The following WDR27 variants were observed in gnomAD, a reference collection of about 807,000 sequenced individuals.
The protein encoded by WDR27 is WD repeat domain 27.
A neutral mutation model predicts 114.4 loss-of-function variants in WDR27; 100 were observed. The observed-to-expected ratio is 0.87, with a 90% CI of 0.74 to 1.03. The LOEUF is 1.03. Ranked by LOEUF, WDR27 falls within the 50% of genes least tolerant of loss-of-function variation. WDR27 has a pLI of 0.00. For synonymous variants in WDR27, 449 were observed against 423.1 expected, an observed-to-expected ratio of 1.06 and a Z score of -0.75; for missense variants, 1,129 against 1,092.9, an observed-to-expected ratio of 1.03 and a Z score of -0.47.
intron 13 of WDR27, among the ~76,000 whole-genome samples, chr6:169,656,406 A>T (rs968232593): frequency 6.6e-6 from 1 of 151,998 alleles, no homozygotes; most frequent in Admixed American, 6.6e-5. Flanking sequence ...TTCCCTGGGG[A>T]CCTGCCTGTG....
At chr6:169,624,317 C>T (rs561566291) in intron 21 of WDR27, among the ~76,000 whole-genome samples, 1 of 152,192 alleles carries the variant, frequency 6.6e-6, no homozygotes, top group Non-Finnish European at 1.5e-5. Context: ...AGGTGTGCGG[C>T]GTGTGGCATC....
chr6:169,434,223 T>C, the WDR27 span, among the ~76,000 whole-genome samples: 1 of 152,304 alleles, frequency 6.6e-6, no homozygotes, highest in East Asian at 1.9e-4. Context: ...TGGTTTTAGG[T>C]TTTACATTTA....
intron 24 of WDR27, 119 bp downstream of exon 24, chr6:169,582,717 C>G: frequency 1.5e-6 from 1 of 685,636 alleles, no homozygotes; most frequent in Admixed American, 2.8e-5. Flanking sequence ...ACTCAGTGAA[C>G]ACTGGCATGT....
Position 169,664,250 on chromosome 6 carries a change from G to A in WDR27, c.820C>T (p.Arg274Cys), listed in dbSNP as rs200494024. 354 of 1,613,924 alleles carry A rather than the reference G, an allele frequency of 2.2e-4. 2 individuals carry two copies. Among genetic ancestry groups the A allele is most frequent in the Middle Eastern group, 1.5e-3 (9 of 6,060 alleles). ...IFSLMDGHHY[R>C]RVARVDLRKK... ...CTTAGGTCAACCCGTGCCACACGAC[G>A]ATAATGGTGTCCATCCATCAAACTG... Residue 274 changes from arginine (R) to cysteine (C), a missense_variant, in exon 8 of 26, where the codon CGT (arginine) becomes TGT (cysteine). Physicochemically the swap from Arg to Cys is radical, Grantham distance 180. Transcript: ENST00000448612.
At chr6:169,570,794 A>G (rs1042053575) in intron 25 of WDR27, among the ~76,000 whole-genome samples, 1 of 152,092 alleles carries the variant, frequency 6.6e-6, no homozygotes, top group Non-Finnish European at 1.5e-5. Context: ...GTGCCATTGC[A>G]CTCCAGCCTG....
At position 169,536,581 on chromosome 6, in the gene WDR27, C is replaced by A. The variant is rs146520899; in HGVS notation, c.2645+35838G>T. The stretch of plus-strand genomic sequence containing the variant: ...AAAGAAAACCATGGCTCTGCCAACC[C>A]TTGCACAAATGTGTGATCATGCTCA... On this transcript the variant is annotated intron_variant, in intron 25 of 25. Transcript: ENST00000448612. Among the ~76,000 whole-genome samples, 291 of 152,304 alleles carry A rather than the reference C, an allele frequency of 1.9e-3. 1 individual carries two copies. Among genetic ancestry groups the A allele is most frequent in the African/African-American group, 6.7e-3 (280 of 41,562 alleles).
intron 22 of WDR27, among the ~76,000 whole-genome samples, chr6:169,608,999 T>G (rs1014818321): frequency 6.6e-6 from 1 of 152,220 alleles, no homozygotes; most frequent in African/African-American, 2.4e-5. Context: ...TGAAATCCAG[T>G]GCGGCAGTCA....
intron 25 of WDR27, among the ~76,000 whole-genome samples, chr6:169,542,199 T>C (rs1796922442): frequency 6.6e-6 from 1 of 152,158 alleles, no homozygotes; most frequent in Non-Finnish European, 1.5e-5. Flanking sequence ...ATAAATAGGA[T>C]ATTTATATCA....
chr6:169,560,949 A>C (rs928588973), intron 25 of WDR27, among the ~76,000 whole-genome samples: 11 of 152,148 alleles, frequency 7.2e-5, no homozygotes, highest in Non-Finnish European at 1.5e-4. Flanking sequence ...ATAGACAAAT[A>C]TATAGAATTT....
intron 25 of WDR27, among the ~76,000 whole-genome samples, chr6:169,555,082 T>C (rs1430017612): frequency 6.6e-6 from 1 of 152,104 alleles, no homozygotes; most frequent in Non-Finnish European, 1.5e-5. Flanking sequence ...CTAACAAGAA[T>C]AAAAATGAAA....
chr6:169,690,809 T>G (rs961742063), intron 1 of WDR27, among the ~76,000 whole-genome samples: 1 of 152,174 alleles, frequency 6.6e-6, no homozygotes, highest in Admixed American at 6.5e-5. Flanking sequence ...CAGTACCACC[T>G]CTGTGCTGCG....
chr6:169,429,334 A>G, the WDR27 span, among the ~76,000 whole-genome samples: 1 of 152,024 alleles, frequency 6.6e-6, no homozygotes, highest in African/African-American at 2.4e-5. Context: ...CCCCGTGCCA[A>G]GGAGCCCACC....
At chr6:169,432,721 A>G in the WDR27 span, among the ~76,000 whole-genome samples, 18 of 152,166 alleles carry the variant, frequency 1.2e-4, no homozygotes, top group Non-Finnish European at 2.2e-4. Flanking sequence ...CTTTATCATC[A>G]GTGTGAAAAT....
At chr6:169,563,544 G>A (rs1006384444) in intron 25 of WDR27, among the ~76,000 whole-genome samples, 5 of 152,160 alleles carry the variant, frequency 3.3e-5, no homozygotes, top group Admixed American at 3.3e-4. Context: ...AGCTGTATTC[G>A]AGAGCAGAGG....
chr6:169,523,774 T>C lies in WDR27; in HGVS notation c.2645+48645A>G, dbSNP rs975800848. On this transcript the variant is annotated intron_variant, in intron 25 of 25. Coordinates refer to ENST00000448612, the MANE Select transcript of WDR27 (RefSeq NM_182552.5). ...TTAAAAAAACCCTCAACAAACTAGGTATAGAAGGAACATACGTCAAAATAA... is the reference window on the plus strand; with the variant it reads ...TTAAAAAAACCCTCAACAAACTAGGCATAGAAGGAACATACGTCAAAATAA... 7.2e-5 allele frequency among the ~76,000 whole-genome samples: 11 copies of C among 151,938 alleles called. No individual in the cohort carries two copies. In the East Asian group the frequency reaches 2.1e-3, roughly 29 times the overall value.
chr6:169,682,369 T>A (rs1427917825), intron 2 of WDR27, among the ~76,000 whole-genome samples: 1 of 152,228 alleles, frequency 6.6e-6, no homozygotes, highest in African/African-American at 2.4e-5. Flanking sequence ...TAGGACAGCA[T>A]TCTGGACTCA....
chr6:169,439,311 G>A, the WDR27 span, among the ~76,000 whole-genome samples: 1 of 152,128 alleles, frequency 6.6e-6, no homozygotes. Flanking sequence ...ATCTTAAAAT[G>A]CCATACACAA....
At chr6:169,546,854 A>C (rs1480223895) in intron 25 of WDR27, among the ~76,000 whole-genome samples, 1 of 152,132 alleles carries the variant, frequency 6.6e-6, no homozygotes, top group East Asian at 1.9e-4. Flanking sequence ...GCGAGATCTC[A>C]CAGGGCCTCC....
intron 25 of WDR27, among the ~76,000 whole-genome samples, chr6:169,560,990 G>A (rs1799599201): frequency 6.6e-6 from 1 of 151,876 alleles, no homozygotes; most frequent in Non-Finnish European, 1.5e-5. Context: ...TTTTTAAGAG[G>A]TAACTGTTTA....
Sources: gnomAD v4.1 joint callset for allele counts (sites outside exome capture counted in the v4.1 genomes callset) on GRCh38, gnomAD v4.1.1 for gene constraint, MANE v1.5 for transcripts, NCBI Gene and HGNC (gene_info 2026-07-23, HGNC 2026-07-21) for gene names.